Variants in CCR3 observed in about 807,000 individuals in gnomAD.
CCR3 encodes C-C motif chemokine receptor 3.
For synonymous variants in CCR3, 203 were observed against 179.2 expected, an observed-to-expected ratio of 1.13 and a Z score of -1.06; for missense variants, 419 against 437.5, an observed-to-expected ratio of 0.96 and a Z score of 0.38.
intron 2 of CCR3, among the ~76,000 whole-genome samples, chr3:46,234,856 T>C (rs1044363801): frequency 6.6e-6 from 1 of 152,242 alleles, no homozygotes; most frequent in African/African-American, 2.4e-5. Flanking sequence ...GTTGTTTAAA[T>C]CACTTCTGGG....
At chr3:46,213,702 T>C (rs1293133959) in intron 2 of CCR3, among the ~76,000 whole-genome samples, 1 of 152,188 alleles carries the variant, frequency 6.6e-6, no homozygotes, top group Non-Finnish European at 1.5e-5. Flanking sequence ...TATCTGTAGC[T>C]CTTCATACTT....
chr3:46,234,324 G>T (rs566915206), intron 2 of CCR3, among the ~76,000 whole-genome samples: 1 of 152,014 alleles, frequency 6.6e-6, no homozygotes, highest in Non-Finnish European at 1.5e-5. Flanking sequence ...TGGATTCATT[G>T]GTTTAATCAA....
intron 2 of CCR3, among the ~76,000 whole-genome samples, chr3:46,211,197 CTTTTTTTTTTT>C (rs757345795): frequency 7.8e-6 from 1 of 128,596 alleles, no homozygotes; most frequent in Non-Finnish European, 1.6e-5. Context: ...TGAGAATTTA[CTTTTTTTTTTT>C]TTTTTTTTTA....
intron 2 of CCR3, among the ~76,000 whole-genome samples, chr3:46,216,898 C>G (rs569671854): frequency 7.2e-5 from 11 of 152,152 alleles, no homozygotes; most frequent in South Asian, 2.1e-4. Flanking sequence ...AAAATAGAAC[C>G]TACTTAAAGT....
intron 2 of CCR3, among the ~76,000 whole-genome samples, chr3:46,236,514 T>G (rs1018287418): frequency 6.6e-6 from 1 of 152,250 alleles, no homozygotes; most frequent in African/African-American, 2.4e-5. Context: ...CACCCTGGGC[T>G]GCGTCAAACT....
chr3:46,246,143 T>C (rs946048613), intron 1 of CCR3, among the ~76,000 whole-genome samples: 1 of 152,312 alleles, frequency 6.6e-6, no homozygotes, highest in Admixed American at 6.5e-5. Context: ...GTCTGGACAG[T>C]GCAAAGCAGA....
intron 1 of CCR3, among the ~76,000 whole-genome samples, chr3:46,244,439 T>C (rs1700153111): frequency 6.6e-6 from 1 of 152,274 alleles, no homozygotes; most frequent in Non-Finnish European, 1.5e-5. Context: ...TTTAATCACC[T>C]GGGTGCAGGC....
chr3:46,228,520 A>G (rs150021414), intron 2 of CCR3, among the ~76,000 whole-genome samples: 11 of 152,212 alleles, frequency 7.2e-5, no homozygotes, highest in African/African-American at 1.9e-4. Context: ...TAATCCTTCT[A>G]TGATCTTTTA....
chr3:46,247,797 T>G (rs1700224773), intron 1 of CCR3, among the ~76,000 whole-genome samples: 1 of 152,104 alleles, frequency 6.6e-6, no homozygotes, highest in Non-Finnish European at 1.5e-5. Flanking sequence ...GCATGTTGAG[T>G]AAAGCTAATT....
chr3:46,226,906 C>T (rs190866061), intron 2 of CCR3, among the ~76,000 whole-genome samples: 156 of 151,988 alleles, frequency 1.0e-3, no homozygotes, highest in African/African-American at 3.6e-3. Flanking sequence ...GAGTCTTGCT[C>T]TTTTGCCCAG....
In CCR3 at chr3:46,266,190, A is replaced by C. The variant is rs1700631307; in HGVS notation, c.1032A>C (p.Pro344=). Residue 344 remains proline, a synonymous_variant, in exon 2 of 2, where the codon CCA becomes CCC. Coordinates refer to ENST00000395940, the MANE Select transcript of CCR3 (RefSeq NM_178329.3). Reference sequence around the variant, plus strand: ...TGGAAAGAACCAGCTCTGTCTCTCCATCCACAGCAGAGCCGGAACTCTCTA... The same window carrying C: ...TGGAAAGAACCAGCTCTGTCTCTCCCTCCACAGCAGAGCCGGAACTCTCTA... ...EKLERTSSVS[P]STAEPELSIV... 6.2e-7 allele frequency: 1 copy of C among 1,613,702 alleles called. No homozygotes were observed. Among genetic ancestry groups the C allele is most frequent in the Non-Finnish European group, 8.5e-7 (1 of 1,179,778 alleles).
intron 2 of CCR3, among the ~76,000 whole-genome samples, chr3:46,212,879 A>T (rs1455605431): frequency 6.6e-6 from 1 of 152,162 alleles, no homozygotes; most frequent in African/African-American, 2.4e-5. Flanking sequence ...TCAATGAAAG[A>T]CTGACGTAGC....
chr3:46,243,142 C>A (rs1243520068), intron 1 of CCR3, among the ~76,000 whole-genome samples: 2 of 151,634 alleles, frequency 1.3e-5, no homozygotes, highest in South Asian at 4.2e-4. Flanking sequence ...TTGCTGATAA[C>A]CTACAAATAT....
upstream of CCR3, among the ~76,000 whole-genome samples, chr3:46,242,076 T>A (rs1176236623): frequency 1.3e-5 from 2 of 150,616 alleles, no homozygotes; most frequent in Non-Finnish European, 2.9e-5. Context: ...GAGGTTGCAG[T>A]GAACTGAGAT....
chr3:46,232,963 G>T (rs1219438908), intron 2 of CCR3, among the ~76,000 whole-genome samples: 1 of 152,208 alleles, frequency 6.6e-6, no homozygotes, highest in East Asian at 1.9e-4. Flanking sequence ...CTCCCGAGTA[G>T]CTGGGATTAT....
At chr3:46,244,719 T>A (rs957931775) in intron 1 of CCR3, among the ~76,000 whole-genome samples, 2 of 152,186 alleles carry the variant, frequency 1.3e-5, no homozygotes, top group Non-Finnish European at 2.9e-5. Context: ...GGCAGGGCAT[T>A]TTCACTTCTT....
intron 2 of CCR3, among the ~76,000 whole-genome samples, chr3:46,230,519 C>T (rs1699950233): frequency 6.6e-6 from 1 of 152,134 alleles, no homozygotes; most frequent in African/African-American, 2.4e-5. Flanking sequence ...CCAGGACAAG[C>T]CCCACCATTT....
intron 2 of CCR3, among the ~76,000 whole-genome samples, chr3:46,219,682 G>A (rs1234161362): frequency 2.0e-5 from 3 of 152,078 alleles, no homozygotes; most frequent in Admixed American, 1.3e-4. Context: ...CAGAAATAAA[G>A]CCAAATACTT....
intron 1 of CCR3, among the ~76,000 whole-genome samples, chr3:46,257,447 T>G (rs1700450607): frequency 6.7e-6 from 1 of 149,878 alleles, no homozygotes; most frequent in Non-Finnish European, 1.5e-5. Context: ...TTTTTTTTTT[T>G]TCTGGGAAAA....
Sources: allele counts gnomAD v4.1 joint callset (sites outside exome capture counted in the v4.1 genomes callset), GRCh38; gene constraint gnomAD v4.1.1; transcripts MANE v1.5; gene names NCBI Gene and HGNC (gene_info 2026-07-23, HGNC 2026-07-21).